Variants in HHAT observed in about 807,000 individuals in gnomAD.
HHAT encodes hedgehog acyltransferase.
HHAT carries 47 observed loss-of-function variants against 70.8 expected under a neutral mutation model. The observed-to-expected ratio is 0.66, with a 90% confidence interval of 0.53 to 0.85. The LOEUF (loss-of-function observed/expected upper bound fraction) is 0.85, where lower values mean the gene tolerates loss of function less well. Among genes scored for constraint, HHAT ranks in the 40% least tolerant of loss-of-function variants. The probability of loss-of-function intolerance (pLI) is 0.00; values close to 1 mark genes in which losing one functional copy is unlikely to be tolerated. For missense variants in HHAT, 609 were observed against 604.8 expected, an observed-to-expected ratio of 1.01 and a Z score of -0.07; for synonymous variants, 228 against 247.6, an observed-to-expected ratio of 0.92 and a Z score of 0.74.
At chr1:210,583,158 G>C (rs1410515974) in intron 9 of HHAT, among the ~76,000 whole-genome samples, 2 of 152,148 alleles carry the variant, frequency 1.3e-5, no homozygotes, top group Non-Finnish European at 2.9e-5. Flanking sequence ...CTGGTGCATG[G>C]GCACTCAGTA....
intron 7 of HHAT, among the ~76,000 whole-genome samples, chr1:210,448,875 C>G (rs936541933): frequency 6.6e-6 from 1 of 152,132 alleles, no homozygotes. Flanking sequence ...CTAGATGGAG[C>G]GGGGCTCAGT....
At chr1:210,421,185 T>C (rs2092891699) in intron 7 of HHAT, among the ~76,000 whole-genome samples, 1 of 152,124 alleles carries the variant, frequency 6.6e-6, no homozygotes, top group Admixed American at 6.6e-5. Flanking sequence ...CAAAGCAATC[T>C]GAGCAAAAAG....
intron 1 of HHAT, among the ~76,000 whole-genome samples, chr1:210,337,584 C>T (rs562358941): frequency 3.9e-5 from 6 of 152,252 alleles, no homozygotes; most frequent in African/African-American, 1.4e-4. Flanking sequence ...GCCCCTCCTC[C>T]ATCTTCCAAG....
At chr1:210,343,304 A>G (rs981926482) in intron 1 of HHAT, among the ~76,000 whole-genome samples, 3 of 152,142 alleles carry the variant, frequency 2.0e-5, no homozygotes, top group African/African-American at 7.2e-5. Flanking sequence ...GCTCCCTAGA[A>G]GCAGGGAGCT....
rs3033354 is a variant in HHAT at position 210,334,178 on chromosome 1, A to ATTTTTTTTTTTT, written c.-44+5083_-44+5094dup. 8.6e-3 allele frequency among the ~76,000 whole-genome samples: 860 copies of ATTTTTTTTTTTT among 99,924 alleles called. 201 individuals are homozygous for ATTTTTTTTTTTT. The highest frequency in any genetic ancestry group is 0.022 in the Middle Eastern group (4 of 178). 65.6% of individuals were successfully genotyped at this position (99,924 alleles called of 152,430 possible). On this transcript the variant is annotated intron_variant, in intron 1 of 11. Coordinates refer to ENST00000261458, the MANE Select transcript of HHAT (RefSeq NM_018194.6). ...TACTTGCTGGCCACTTTAGCGTGTC[A>ATTTTTTTTTTTT]TTTTTTTTTTTTTTTTTTTTGAGAA...
At chr1:210,661,705 G>A (rs1248374481) in intron 11 of HHAT, among the ~76,000 whole-genome samples, 1 of 152,168 alleles carries the variant, frequency 6.6e-6, no homozygotes, top group Non-Finnish European at 1.5e-5. Flanking sequence ...TGTATACCAT[G>A]GAATACTATG....
chr1:210,477,338 C>T (rs550676468), intron 8 of HHAT, among the ~76,000 whole-genome samples: 11 of 152,284 alleles, frequency 7.2e-5, no homozygotes, highest in African/African-American at 2.6e-4. Context: ...ATGACTTCTC[C>T]CCTTCTCTGC....
chr1:210,566,797 G>A (rs917800951), intron 9 of HHAT, among the ~76,000 whole-genome samples: 1 of 152,164 alleles, frequency 6.6e-6, no homozygotes, highest in Non-Finnish European at 1.5e-5. Flanking sequence ...TCAAGTCTGT[G>A]TGTGACCCAG....
At chr1:210,368,483 G>A (rs1410979119) in intron 3 of HHAT, among the ~76,000 whole-genome samples, 3 of 152,006 alleles carry the variant, frequency 2.0e-5, no homozygotes, top group East Asian at 1.9e-4. Context: ...GTAGAGATGC[G>A]TTTCGCCATG....
intron 4 of HHAT, among the ~76,000 whole-genome samples, chr1:210,393,535 C>A (rs1372105526): frequency 6.9e-6 from 1 of 144,762 alleles, no homozygotes; most frequent in African/African-American, 2.6e-5. Context: ...GTAGGTCTCA[C>A]CTGCCGTTCT....
intron 9 of HHAT, 137 bp downstream of exon 9, chr1:210,513,325 C>G (rs2094994035): frequency 1.1e-5 from 6 of 523,154 alleles, no homozygotes; most frequent in Non-Finnish European, 1.7e-5. Flanking sequence ...ATTGCTAACA[C>G]TATGGTTTTT....
At chr1:210,537,953 G>A (rs1022644260) in intron 9 of HHAT, among the ~76,000 whole-genome samples, 11 of 152,184 alleles carry the variant, frequency 7.2e-5, no homozygotes, top group Admixed American at 3.9e-4. Context: ...GTTGTTATTG[G>A]TAATTGGATG....
chr1:210,570,700 C>A (rs1656063442), intron 9 of HHAT, among the ~76,000 whole-genome samples: 1 of 152,156 alleles, frequency 6.6e-6, no homozygotes, highest in Non-Finnish European at 1.5e-5. Flanking sequence ...TTTCATTCTC[C>A]AAGCAAGCTC....
chr1:210,656,109 T>G (rs536639800), intron 11 of HHAT, among the ~76,000 whole-genome samples: 1 of 152,208 alleles, frequency 6.6e-6, no homozygotes, highest in Non-Finnish European at 1.5e-5. Context: ...AAAATTCATC[T>G]CCTGTCACTT....
Position 210,464,645 on chromosome 1 carries a change from G to C in HHAT, c.997G>C (p.Gly333Arg), listed in dbSNP as rs61744143. ...CGTGAGCACCATGTTCAGTTTCACC[G>C]GGATGTGGAGGTCAGGCGCTGGGAT... Reference protein sequence around the residue: ...RCVSTMFSFTGMWRYFDVGLH... With the variant: ...RCVSTMFSFTRMWRYFDVGLH... The change falls in exon 8 of 12, where the codon GGG (glycine) becomes CGG (arginine). Residue 333 changes from glycine to arginine, a missense_variant. Gly to Arg is a moderately radical substitution (Grantham distance 125). Coordinates refer to ENST00000261458, the MANE Select transcript of HHAT (RefSeq NM_018194.6). The C allele has an allele frequency of 3.1e-6, 5 of 1,614,156 alleles. No individual in the cohort carries two copies. Among genetic ancestry groups the C allele is most frequent in the Non-Finnish European group, 4.2e-6 (5 of 1,180,004 alleles).
At chr1:210,363,761 GTTTGT>G (rs887738016) in intron 3 of HHAT, among the ~76,000 whole-genome samples, 12 of 152,244 alleles carry the variant, frequency 7.9e-5, no homozygotes, top group Non-Finnish European at 1.2e-4. Context: ...TATCAGAGCA[GTTTGT>G]TTTGTTTTGT....
chr1:210,404,194 G>T (rs1300009955), intron 5 of HHAT, among the ~76,000 whole-genome samples: 2 of 152,190 alleles, frequency 1.3e-5, no homozygotes, highest in Non-Finnish European at 2.9e-5. Context: ...GTTATGTTGT[G>T]TCAGACCTAA....
At chr1:210,389,253 G>T (rs1277846303) in intron 4 of HHAT, among the ~76,000 whole-genome samples, 2 of 152,128 alleles carry the variant, frequency 1.3e-5, no homozygotes, top group Non-Finnish European at 1.5e-5. Context: ...AGTTATGGAG[G>T]CTGGGAAGTC....
Position 210,656,322 on chromosome 1 carries a change from G to A in HHAT, c.1391-17966G>A, listed in dbSNP as rs145490883. Among the ~76,000 whole-genome samples the A allele has an allele frequency of 1.1e-4, 17 of 152,232 alleles. No individual in the cohort carries two copies. In the East Asian group the frequency reaches 2.7e-3, roughly 24 times the overall value. ...GGCTGTGTGACAGTGTCACTTGTAC[G>A]GCATGGCACCTGGAGCCACTCAGCC... On this transcript the variant is annotated intron_variant, in intron 11 of 11. Coordinates refer to ENST00000261458, the MANE Select transcript of HHAT (RefSeq NM_018194.6).
Sources: allele counts gnomAD v4.1 joint callset (sites outside exome capture counted in the v4.1 genomes callset), GRCh38; gene constraint gnomAD v4.1.1; transcripts MANE v1.5; gene names NCBI Gene and HGNC (gene_info 2026-07-23, HGNC 2026-07-21).